Variants in PLCE1 observed in about 807,000 individuals in gnomAD.
PLCE1 encodes phospholipase C epsilon 1.
In PLCE1, 119 loss-of-function variants were observed where a neutral mutation model predicts 242.8. That is an observed-to-expected ratio of 0.49 (90% confidence interval 0.42 to 0.57). The LOEUF (loss-of-function observed/expected upper bound fraction) is 0.57. PLCE1 is among the 20% of genes least tolerant of loss of function. PLCE1 has a pLI of 0.00. For missense variants in PLCE1, 2,441 were observed against 2,788.8 expected, an observed-to-expected ratio of 0.88 and a Z score of 2.81; for synonymous variants, 945 against 1,017.4, an observed-to-expected ratio of 0.93 and a Z score of 1.35.
intron 2 of PLCE1, among the ~76,000 whole-genome samples, chr10:94,071,710 G>A (rs1246524036): frequency 6.6e-6 from 1 of 151,498 alleles, no homozygotes; most frequent in African/African-American, 2.4e-5. Flanking sequence ...TGTTGCCCAC[G>A]CTGGTTTCAA....
chr10:94,242,156 C>T (rs1425949784), intron 7 of PLCE1, among the ~76,000 whole-genome samples: 6 of 151,970 alleles, frequency 3.9e-5, no homozygotes, highest in South Asian at 2.1e-4. Context: ...CCAGTGTTAC[C>T]GAGAGCAATT....
intron 4 of PLCE1, among the ~76,000 whole-genome samples, chr10:94,189,015 A>T (rs1296281552): frequency 1.3e-5 from 2 of 151,118 alleles, no homozygotes; most frequent in African/African-American, 4.8e-5. Flanking sequence ...AAAAAAAAAA[A>T]AAAAAAAATT....
At chr10:94,157,582 T>C (rs1361143603) in intron 3 of PLCE1, among the ~76,000 whole-genome samples, 2 of 152,188 alleles carry the variant, frequency 1.3e-5, no homozygotes, top group African/African-American at 4.8e-5. Context: ...GGCAGTGCCC[T>C]GGACTGGGAG....
intron 32 of PLCE1, among the ~76,000 whole-genome samples, chr10:94,327,065 G>A (rs1405677941): frequency 2.6e-5 from 4 of 152,182 alleles, no homozygotes; most frequent in Non-Finnish European, 5.9e-5. Context: ...GGGAGGCTGA[G>A]GCAGGAGAAT....
chr10:94,172,700 TGCA>T (rs2048021732), intron 4 of PLCE1, among the ~76,000 whole-genome samples: 1 of 152,166 alleles, frequency 6.6e-6, no homozygotes, highest in African/African-American at 2.4e-5. Context: ...GGTGCACACC[TGCA>T]GTCCCAGCTA....
intron 4 of PLCE1, among the ~76,000 whole-genome samples, chr10:94,215,007 A>G (rs757980027): frequency 3.4e-4 from 52 of 152,208 alleles, no homozygotes; most frequent in Non-Finnish European, 3.4e-4. Context: ...TGAGAAACCC[A>G]CCACACTCTC....
At chr10:94,322,839 C>T (rs2053870461) in intron 30 of PLCE1, among the ~76,000 whole-genome samples, 1 of 151,976 alleles carries the variant, frequency 6.6e-6, no homozygotes, top group Non-Finnish European at 1.5e-5. Context: ...ACCTGTAGTC[C>T]CTGCTACTCA....
intron 2 of PLCE1, among the ~76,000 whole-genome samples, chr10:94,103,815 G>C (rs2045628737): frequency 6.6e-6 from 1 of 150,910 alleles, no homozygotes; most frequent in African/African-American, 2.5e-5. Context: ...AATAAAATGG[G>C]TTCGAATAAC....
intron 20 of PLCE1, among the ~76,000 whole-genome samples, chr10:94,282,986 C>T (rs1280045554): frequency 6.6e-6 from 1 of 152,086 alleles, no homozygotes; most frequent in Non-Finnish European, 1.5e-5. Context: ...GCCTGCATGG[C>T]CCTGATTTGG....
chr10:94,033,643 G>A (rs1274288803), intron 2 of PLCE1, among the ~76,000 whole-genome samples: 1 of 151,952 alleles, frequency 6.6e-6, no homozygotes, highest in African/African-American at 2.4e-5. Context: ...CCCTCTTTAA[G>A]AATCCTGCTC....
chr10:94,049,623 T>C (rs2043707895), intron 2 of PLCE1, among the ~76,000 whole-genome samples: 1 of 151,624 alleles, frequency 6.6e-6, no homozygotes, highest in African/African-American at 2.4e-5. Flanking sequence ...CTCATAATTA[T>C]TGTTGAAGTA....
Position 94,308,611 on chromosome 10 carries a change from A to G in PLCE1, c.5915A>G (p.His1972Arg). ...GYRHLQLRNL[H>R]NEVLEISSLF... is the part of the protein sequence containing the mutation. ...CGACATCTTCAGCTGCGAAACCTTC[A>G]CAATGAAGTCTTGGAGATTTCTAGT... Residue 1972 changes from histidine to arginine, a missense_variant, in exon 27 of 33, where the codon CAC becomes CGC. His to Arg is a conservative substitution (Grantham distance 29). Coordinates refer to ENST00000371380, the MANE Select transcript of PLCE1 (RefSeq NM_016341.4). The G allele has an allele frequency of 6.2e-7, 1 of 1,613,242 alleles. No individual in the cohort carries two copies.
At chr10:94,067,739 G>A (rs1162575664) in intron 2 of PLCE1, among the ~76,000 whole-genome samples, 1 of 152,190 alleles carries the variant, frequency 6.6e-6, no homozygotes, top group African/African-American at 2.4e-5. Context: ...CCTGCAGCAA[G>A]TGGCAGGAAA....
chr10:94,003,406 C>T (rs1776865), intron 1 of PLCE1, among the ~76,000 whole-genome samples: 81,572 of 152,028 alleles, frequency 0.54, 22,934 homozygotes, highest in East Asian at 0.73. Context: ...ATTTGACCTG[C>T]TCATGTGTTC....
intron 6 of PLCE1, among the ~76,000 whole-genome samples, chr10:94,234,827 T>C (rs2050262733): frequency 6.6e-6 from 1 of 152,106 alleles, no homozygotes; most frequent in African/African-American, 2.4e-5. Context: ...CTGTTCCTGA[T>C]TCCCAGAGCA....
intron 2 of PLCE1, among the ~76,000 whole-genome samples, chr10:94,084,768 G>T (rs1297507459): frequency 1.3e-5 from 2 of 152,184 alleles, no homozygotes; most frequent in Non-Finnish European, 2.9e-5. Flanking sequence ...ATACACCTCA[G>T]GGTATTTCTG....
chr10:94,048,435 C>T (rs2043660901), intron 2 of PLCE1, among the ~76,000 whole-genome samples: 1 of 151,992 alleles, frequency 6.6e-6, no homozygotes, highest in Non-Finnish European at 1.5e-5. Context: ...TGGATCTACA[C>T]TCTCTCTAAT....
At chr10:94,055,004 T>C (rs1235760977) in intron 2 of PLCE1, among the ~76,000 whole-genome samples, 9 of 111,192 alleles carry the variant, frequency 8.1e-5, no homozygotes, top group East Asian at 2.7e-4. Context: ...AGAGCGAGAC[T>C]CCATCTCAAA....
intron 1 of PLCE1, among the ~76,000 whole-genome samples, chr10:94,018,440 A>C (rs189651460): frequency 6.6e-6 from 1 of 152,308 alleles, no homozygotes; most frequent in African/African-American, 2.4e-5. Flanking sequence ...ATGACCTTCC[A>C]TCCCAGCTCC....
Sources: gnomAD v4.1 joint callset for allele counts (sites outside exome capture counted in the v4.1 genomes callset) on GRCh38, gnomAD v4.1.1 for gene constraint, MANE v1.5 for transcripts, NCBI Gene and HGNC (gene_info 2026-07-23, HGNC 2026-07-21) for gene names.